Variants in ROBO2 observed in about 807,000 individuals in gnomAD.
ROBO2 encodes roundabout homolog 2.
Under a neutral mutation model 160.8 loss-of-function variants are expected in ROBO2, and 53 were observed. The ratio of observed to expected loss-of-function variants is 0.33; its 90% CI spans 0.26 to 0.41. The LOEUF (loss-of-function observed/expected upper bound fraction) is 0.41. Among genes scored for constraint, ROBO2 ranks in the 10% least tolerant of loss-of-function variants. The pLI is 1.00. For missense variants in ROBO2, 1,577 were observed against 1,722.4 expected (o/e 0.92, Z 1.49); for synonymous variants, 664 against 611.7 (o/e 1.09, Z -1.26).
intron 2 of ROBO2, among the ~76,000 whole-genome samples, chr3:76,970,252 C>T (rs2059508385): frequency 1.3e-5 from 2 of 152,136 alleles, no homozygotes; most frequent in Admixed American, 1.3e-4. Context: ...TTCTCAAGGG[C>T]CTACCTCTAC....
intron 2 of ROBO2, among the ~76,000 whole-genome samples, chr3:76,483,849 A>T (rs1175054186): frequency 6.6e-6 from 1 of 152,156 alleles, no homozygotes; most frequent in African/African-American, 2.4e-5. Flanking sequence ...GTTTACTAAG[A>T]ATAATGGCCT....
upstream of ROBO2, among the ~76,000 whole-genome samples, chr3:77,035,462 CTAAAG>C (rs1403148210): frequency 4.7e-5 from 7 of 149,994 alleles, no homozygotes; most frequent in Non-Finnish European, 1.0e-4. Context: ...ATTTTGGACT[CTAAAG>C]GAAGAAAGAT....
chr3:76,768,198 A>G (rs1267032942), intron 2 of ROBO2, among the ~76,000 whole-genome samples: 1 of 151,470 alleles, frequency 6.6e-6, no homozygotes, highest in Non-Finnish European at 1.5e-5. Context: ...GTAATTTAAT[A>G]TACTAATCTT....
At chr3:76,686,510 C>T (rs539896065) in intron 2 of ROBO2, among the ~76,000 whole-genome samples, 1 of 148,674 alleles carries the variant, frequency 6.7e-6, no homozygotes, top group Admixed American at 6.6e-5. Context: ...TCCTTCAAAA[C>T]AGCAAATAAA....
intron 4 of ROBO2, among the ~76,000 whole-genome samples, chr3:77,487,191 TGG>T (rs1197165426): frequency 1.3e-5 from 2 of 152,110 alleles, no homozygotes; most frequent in Non-Finnish European, 2.9e-5. Flanking sequence ...TAGTAGCATG[TGG>T]TATAAGAACA....
At chr3:76,051,187 C>T (rs555873393) in intron 2 of ROBO2, among the ~76,000 whole-genome samples, 1 of 152,258 alleles carries the variant, frequency 6.6e-6, no homozygotes, top group South Asian at 2.1e-4. Flanking sequence ...AAAAAAACGA[C>T]AGTTTCAGTT....
intron 2 of ROBO2, among the ~76,000 whole-genome samples, chr3:76,022,002 T>G (rs2066589063): frequency 6.6e-6 from 1 of 151,730 alleles, no homozygotes; most frequent in Admixed American, 6.6e-5. Flanking sequence ...CTGCCACTGC[T>G]CTATCAACTA....
intron 2 of ROBO2, among the ~76,000 whole-genome samples, chr3:76,748,045 C>T (rs1323322181): frequency 1.3e-5 from 2 of 151,126 alleles, no homozygotes; most frequent in African/African-American, 4.9e-5. Context: ...ATGAGCTAAA[C>T]TCATCTACAC....
At chr3:77,535,130 A>T (rs1582778202) in intron 6 of ROBO2, among the ~76,000 whole-genome samples, 1 of 152,192 alleles carries the variant, frequency 6.6e-6, no homozygotes, top group Non-Finnish European at 1.5e-5. Flanking sequence ...TTGCAGTTGC[A>T]TATTAAAATT....
At chr3:76,244,656 T>C (rs918054887) in intron 2 of ROBO2, among the ~76,000 whole-genome samples, 8 of 152,086 alleles carry the variant, frequency 5.3e-5, no homozygotes, top group African/African-American at 1.9e-4. Flanking sequence ...GAATAACACA[T>C]TAGAAGAAGT....
At chr3:76,335,743 A>AT (rs1182349497) in intron 2 of ROBO2, among the ~76,000 whole-genome samples, 1 of 151,884 alleles carries the variant, frequency 6.6e-6, no homozygotes, top group South Asian at 2.1e-4. Flanking sequence ...CGCCCAGCTA[A>AT]TTTTTTGTAT....
chr3:77,570,367 G>C (rs2093607126), intron 13 of ROBO2, among the ~76,000 whole-genome samples: 1 of 151,968 alleles, frequency 6.6e-6, no homozygotes, highest in South Asian at 2.1e-4. Flanking sequence ...TGTACCCCAA[G>C]AAGCTATCAT....
chr3:76,486,657 CA>C (rs1266496672), intron 2 of ROBO2, among the ~76,000 whole-genome samples: 13 of 151,968 alleles, frequency 8.6e-5, no homozygotes, highest in Admixed American at 8.5e-4. Flanking sequence ...TTAGAAAAAC[CA>C]AAATAAATGT....
chr3:76,645,595 G>C (rs1193702733), intron 2 of ROBO2, among the ~76,000 whole-genome samples: 1 of 152,194 alleles, frequency 6.6e-6, no homozygotes, highest in Non-Finnish European at 1.5e-5. Flanking sequence ...GAGAGAATAA[G>C]AGAGTGGGCA....
chr3:76,073,317 G>A (rs1477212959), intron 2 of ROBO2, among the ~76,000 whole-genome samples: 3 of 81,408 alleles, frequency 3.7e-5, no homozygotes, highest in Non-Finnish European at 6.8e-5. Flanking sequence ...TTTTTGAGAC[G>A]GAGTCTCGCT....
intron 2 of ROBO2, among the ~76,000 whole-genome samples, chr3:77,421,838 C>A (rs1198997994): frequency 6.6e-6 from 1 of 151,486 alleles, no homozygotes; most frequent in Non-Finnish European, 1.5e-5. Context: ...TTATAATGAA[C>A]AAATAAATTA....
intron 2 of ROBO2, among the ~76,000 whole-genome samples, chr3:76,793,306 C>T (rs964117819): frequency 6.6e-6 from 1 of 151,636 alleles, no homozygotes; most frequent in Non-Finnish European, 1.5e-5. Context: ...ATTATCTCAC[C>T]CTGATCATTT....
intron 6 of ROBO2, among the ~76,000 whole-genome samples, chr3:77,526,723 A>C (rs1446724416): frequency 1.3e-5 from 2 of 151,512 alleles, no homozygotes; most frequent in African/African-American, 4.8e-5. Context: ...TTGAAGCAGC[A>C]GTTTGAAAGC....
In ROBO2 at chr3:76,980,870, T is replaced by C. The variant is rs114983869; in HGVS notation, c.110-117144T>C. ...TCCCTCCCCAGCCTTAGGCAACTAA[T>C]CATCTACATTTTCTACATATAAATT... On this transcript the variant is annotated intron_variant, in intron 2 of 26. Transcript: ENST00000487694. Among the ~76,000 whole-genome samples, 729 of 152,300 alleles carry C rather than the reference T, an allele frequency of 4.8e-3. 5 individuals are homozygous for C. The highest frequency in any genetic ancestry group is 0.017 in the African/African-American group (716 of 41,570).
Sources: allele counts gnomAD v4.1 joint callset (sites outside exome capture counted in the v4.1 genomes callset), GRCh38; gene constraint gnomAD v4.1.1; transcripts MANE v1.5; gene names NCBI Gene and HGNC (gene_info 2026-07-23, HGNC 2026-07-21).